The following CLDN16 variants were observed in gnomAD, a reference collection of about 807,000 sequenced individuals.
CLDN16 encodes the protein claudin-16.
CLDN16 carries 13 observed loss-of-function variants against 24.6 expected under a neutral mutation model. The observed-to-expected ratio is 0.53, with a 90% CI of 0.34 to 0.84. The LOEUF is 0.84. Ranked by LOEUF, CLDN16 falls within the 40% of genes least tolerant of loss-of-function variation. CLDN16 has a pLI of 0.01. For synonymous variants in CLDN16, 116 were observed against 106.7 expected (o/e 1.09, Z -0.54); for missense variants, 298 against 292.7 (o/e 1.02, Z -0.13).
intron 1 of CLDN16, among the ~76,000 whole-genome samples, chr3:190,337,727 T>G (rs941451441): frequency 2.6e-5 from 4 of 152,180 alleles, no homozygotes; most frequent in African/African-American, 9.7e-5. Context: ...CACACATTCC[T>G]AGGATGTGTT....
intron 1 of CLDN16, among the ~76,000 whole-genome samples, chr3:190,333,803 A>G (rs960749545): frequency 2.6e-5 from 4 of 152,030 alleles, no homozygotes; most frequent in Admixed American, 1.3e-4. Context: ...TTAATCTTTC[A>G]TATTCTTCAA....
At chr3:190,321,529 T>C (rs537495007), upstream of CLDN16, among the ~76,000 whole-genome samples, 1 of 152,380 alleles carries the variant, frequency 6.6e-6, no homozygotes, top group East Asian at 1.9e-4. Context: ...TAAAAAGTTA[T>C]ATCTAATACT....
chr3:190,362,397 C>T (rs1353836861), intron 1 of CLDN16, among the ~76,000 whole-genome samples: 4 of 151,922 alleles, frequency 2.6e-5, no homozygotes, highest in East Asian at 3.9e-4. Context: ...AACCTCACTT[C>T]GACCCCCTCT....
intron 1 of CLDN16, among the ~76,000 whole-genome samples, chr3:190,341,266 G>A (rs1333322473): frequency 1.2e-4 from 19 of 152,124 alleles, no homozygotes; most frequent in Non-Finnish European, 1.5e-5. Flanking sequence ...TCTCTATAAG[G>A]ACCCCACCCC....
upstream of CLDN16, among the ~76,000 whole-genome samples, chr3:190,318,274 T>C (rs190201828): frequency 1.3e-4 from 20 of 152,270 alleles, no homozygotes; most frequent in Non-Finnish European, 2.6e-4. Flanking sequence ...CTTCAAGAAA[T>C]TTTCTCAGAA....
the CLDN16 span, among the ~76,000 whole-genome samples, chr3:190,304,429 A>G: frequency 1.3e-4 from 20 of 152,304 alleles, no homozygotes; most frequent in Middle Eastern, 3.4e-3. Context: ...TCCCGTAAAT[A>G]TTAATTAAAT....
At chr3:190,351,655 A>G (rs1378136266) in intron 1 of CLDN16, among the ~76,000 whole-genome samples, 2 of 152,174 alleles carry the variant, frequency 1.3e-5, no homozygotes, top group African/African-American at 2.4e-5. Flanking sequence ...TTAAGTCAAA[A>G]TCATGAAACA....
At chr3:190,326,062 T>C (rs1473716109) in intron 1 of CLDN16, among the ~76,000 whole-genome samples, 1 of 152,190 alleles carries the variant, frequency 6.6e-6, no homozygotes, top group Non-Finnish European at 1.5e-5. Flanking sequence ...TGAATCCCAT[T>C]ACTGCCACTT....
At chr3:190,400,923 C>T (rs559952703) in intron 1 of CLDN16, among the ~76,000 whole-genome samples, 1 of 152,302 alleles carries the variant, frequency 6.6e-6, no homozygotes, top group Non-Finnish European at 1.5e-5. Flanking sequence ...CCTATCTCCT[C>T]CATTAACTAT....
rs75890258 is a variant in CLDN16, at chr3:190,346,079, G to A, written n.121+23418G>A. On this transcript the variant is annotated intron_variant and non_coding_transcript_variant, in intron 1 of 4. Coordinates refer to the CLDN16 transcript ENST00000468220. ...AAGTAGCCAAGGATAGAACTGAAGC[G>A]TCCTATGGCACGTAAGACAGAGGGA... 3.1e-3 allele frequency among the ~76,000 whole-genome samples: 464 copies of A among 152,056 alleles called. 5 individuals carry two copies. The highest frequency in any genetic ancestry group is 0.01 in the African/African-American group (428 of 41,490).
At chr3:190,348,361 GTGTGGT>G (rs1464978996) in intron 1 of CLDN16, among the ~76,000 whole-genome samples, 1 of 147,150 alleles carries the variant, frequency 6.8e-6, no homozygotes, top group Non-Finnish European at 1.5e-5. Flanking sequence ...GTGTGTGTGT[GTGTGGT>G]GTGTGTCTTT....
rs545211544 is a variant in CLDN16, at chr3:190,354,848, T to C, written n.122-16045T>C. 3.3e-5 allele frequency among the ~76,000 whole-genome samples: 5 copies of C among 152,136 alleles called. No homozygotes were observed. In the South Asian group the frequency reaches 8.3e-4, roughly 25 times the overall value. On this transcript the variant is annotated intron_variant and non_coding_transcript_variant, in intron 1 of 4. Transcript: ENST00000468220. ...TTGGATGTCCCTGATATTAGATCCA[T>C]TCCTGCCCTTTCTGAAACCTCTGCT...
intron 1 of CLDN16, among the ~76,000 whole-genome samples, chr3:190,359,433 G>T (rs1171625665): frequency 6.6e-6 from 1 of 152,014 alleles, no homozygotes; most frequent in East Asian, 1.9e-4. Flanking sequence ...TAAATGAGTG[G>T]AATCCAGTGC....
rs114902531 is a variant in CLDN16, at chr3:190,411,757, G to A, written c.*1721G>A. 238 of 152,132 alleles carry A rather than the reference G, an allele frequency of 1.6e-3. 1 individual carries two copies. The highest frequency in any genetic ancestry group is 5.6e-3 in the African/African-American group (233 of 41,508). 9.4% of individuals were successfully genotyped at this position (152,132 alleles called of 1,614,324 possible). On this transcript the variant is annotated 3_prime_UTR_variant, in exon 5 of 5. Coordinates refer to ENST00000264734, the MANE Select transcript of CLDN16 (RefSeq NM_006580.4). ...TTCCAATCTAGTTGGAGAATTAACA[G>A]CAATTGATTTAACTATCTCATTTTT...
At chr3:190,337,163 G>A (rs924964988) in intron 1 of CLDN16, among the ~76,000 whole-genome samples, 1 of 152,200 alleles carries the variant, frequency 6.6e-6, no homozygotes, top group Non-Finnish European at 1.5e-5. Context: ...GTATTCATGG[G>A]AAAATACAAA....
chr3:190,331,411 C>G (rs1717177718), intron 1 of CLDN16, among the ~76,000 whole-genome samples: 1 of 152,176 alleles, frequency 6.6e-6, no homozygotes, highest in African/African-American at 2.4e-5. Context: ...TCTTTGGAAT[C>G]CTAGGCAGGA....
chr3:190,300,252 T>C, the CLDN16 span, among the ~76,000 whole-genome samples: 3 of 149,738 alleles, frequency 2.0e-5, no homozygotes, highest in Non-Finnish European at 4.4e-5. Context: ...TTTTAACAGC[T>C]CACAGATAAT....
At chr3:190,304,685 A>G in the CLDN16 span, among the ~76,000 whole-genome samples, 1 of 152,234 alleles carries the variant, frequency 6.6e-6, no homozygotes, top group Middle Eastern at 3.4e-3. Context: ...CTGGGGGTAA[A>G]TGGGGTTTTT....
At chr3:190,347,531 T>C (rs1325762327) in intron 1 of CLDN16, among the ~76,000 whole-genome samples, 1 of 152,188 alleles carries the variant, frequency 6.6e-6, no homozygotes, top group African/African-American at 2.4e-5. Flanking sequence ...TAAATACTTA[T>C]GAGTGTCTGC....
Sources: gnomAD v4.1 joint callset for allele counts (sites outside exome capture counted in the v4.1 genomes callset) on GRCh38, gnomAD v4.1.1 for gene constraint, MANE v1.5 for transcripts, NCBI Gene and HGNC (gene_info 2026-07-23, HGNC 2026-07-21) for gene names.